ZNG1B: variants seen among roughly 807,000 people sequenced by gnomAD.
The protein encoded by ZNG1B is zinc-regulated GTPase metalloprotein activator 1B.
At chr2:113,488,142 G>A in the ZNG1B span, among the ~76,000 whole-genome samples, 1 of 152,036 alleles carries the variant, frequency 6.6e-6, no homozygotes, top group Admixed American at 6.6e-5. Flanking sequence ...ACTGGAACAG[G>A]TGCTGGTATC....
At chr2:113,461,073 T>G in the ZNG1B span, among the ~76,000 whole-genome samples, 1 of 148,490 alleles carries the variant, frequency 6.7e-6, no homozygotes, top group East Asian at 2.0e-4. Flanking sequence ...TTATTATTAT[T>G]TTTTGAGACA....
the ZNG1B span, among the ~76,000 whole-genome samples, chr2:113,468,367 C>T: frequency 2.6e-5 from 4 of 151,214 alleles, no homozygotes; most frequent in Non-Finnish European, 4.4e-5. Context: ...TGCAATTCCA[C>T]CCCCACCTTG....
chr2:113,476,280 A>G, the ZNG1B span, among the ~76,000 whole-genome samples: 1 of 151,992 alleles, frequency 6.6e-6, no homozygotes, highest in Non-Finnish European at 1.5e-5. Context: ...AGTTGATCGC[A>G]TCGGCTCCTG....
At chr2:113,485,159 G>C in the ZNG1B span, among the ~76,000 whole-genome samples, 34 of 145,474 alleles carry the variant, frequency 2.3e-4, no homozygotes, top group African/African-American at 8.4e-4. Context: ...CCTTGAACTG[G>C]TAGGATTTTT....
the ZNG1B span, among the ~76,000 whole-genome samples, chr2:113,449,376 C>T: frequency 2.2e-5 from 3 of 137,314 alleles, no homozygotes; most frequent in African/African-American, 5.7e-5. Flanking sequence ...ACATAACTTC[C>T]TCACCAAGCA....
chr2:113,471,883 T>G, the ZNG1B span, among the ~76,000 whole-genome samples: 3 of 151,938 alleles, frequency 2.0e-5, no homozygotes, highest in Admixed American at 6.6e-5. Context: ...AGTCTATCAT[T>G]GTTGGACATT....
the ZNG1B span, among the ~76,000 whole-genome samples, chr2:113,473,295 G>A: frequency 7.6e-5 from 11 of 144,088 alleles, no homozygotes; most frequent in South Asian, 2.2e-4. Flanking sequence ...TTTGTCTGTT[G>A]TTGGTGTATA....
chr2:113,438,189 G>C, the ZNG1B span, among the ~76,000 whole-genome samples: 2 of 152,108 alleles, frequency 1.3e-5, no homozygotes. Context: ...CTCTCATCTT[G>C]GGAGTTAATG....
chr2:113,472,599 T>C, the ZNG1B span, among the ~76,000 whole-genome samples: 1 of 152,092 alleles, frequency 6.6e-6, no homozygotes. Flanking sequence ...GGTCTTCTTC[T>C]AGGGTTTTTA....
At chr2:113,448,378 T>G in the ZNG1B span, among the ~76,000 whole-genome samples, 2 of 151,556 alleles carry the variant, frequency 1.3e-5, no homozygotes, top group Non-Finnish European at 2.9e-5. Flanking sequence ...CATCTAGGCT[T>G]TATTATTTAT....
At chr2:113,472,133 T>C in the ZNG1B span, among the ~76,000 whole-genome samples, 2 of 149,962 alleles carry the variant, frequency 1.3e-5, no homozygotes, top group Non-Finnish European at 3.0e-5. Context: ...CTCCACATCC[T>C]CTCCAGCACC....
chr2:113,484,041 TTA>T, the ZNG1B span, among the ~76,000 whole-genome samples: 1 of 136,724 alleles, frequency 7.3e-6, no homozygotes, highest in South Asian at 2.4e-4. Context: ...GGGAGGAAAT[TTA>T]TCTTTTCCTC....
chr2:113,488,620 A>G, the ZNG1B span, among the ~76,000 whole-genome samples: 1 of 151,374 alleles, frequency 6.6e-6, no homozygotes, highest in African/African-American at 2.4e-5. Flanking sequence ...AAAAAAAGAT[A>G]CAAGAAGTAA....
chr2:113,471,746 T>C, the ZNG1B span, among the ~76,000 whole-genome samples: 8 of 151,698 alleles, frequency 5.3e-5, no homozygotes, highest in Admixed American at 1.3e-4. Context: ...GGTTTTTTGT[T>C]CTTGCGATAG....
the ZNG1B span, among the ~76,000 whole-genome samples, chr2:113,476,522 G>A: frequency 2.0e-5 from 3 of 149,318 alleles, no homozygotes; most frequent in African/African-American, 2.5e-5. Flanking sequence ...GCTTTGTTCC[G>A]TTGCTGGTGA....
chr2:113,478,287 T>C, the ZNG1B span, among the ~76,000 whole-genome samples: 1 of 149,574 alleles, frequency 6.7e-6, no homozygotes, highest in Non-Finnish European at 1.5e-5. Context: ...TTTTATTTAT[T>C]TATTTTTTTG....
the ZNG1B span, among the ~76,000 whole-genome samples, chr2:113,444,742 T>C: frequency 3.3e-5 from 5 of 152,172 alleles, no homozygotes; most frequent in Non-Finnish European, 5.9e-5. Context: ...AAAGTATTAT[T>C]ATGTATATGA....
the ZNG1B span, among the ~76,000 whole-genome samples, chr2:113,488,777 G>A: frequency 1.3e-5 from 2 of 151,968 alleles, no homozygotes; most frequent in Admixed American, 1.3e-4. Flanking sequence ...TTCAGAGCCT[G>A]AAGACAAGGT....
At chr2:113,481,177 T>A in the ZNG1B span, among the ~76,000 whole-genome samples, 1 of 139,898 alleles carries the variant, frequency 7.1e-6, no homozygotes, top group Non-Finnish European at 1.6e-5. Flanking sequence ...AAGCATATGA[T>A]TTTTCGAAAT....
Sources: gnomAD v4.1 joint callset for allele counts (sites outside exome capture counted in the v4.1 genomes callset) on GRCh38, gnomAD v4.1.1 for gene constraint, MANE v1.5 for transcripts, NCBI Gene and HGNC (gene_info 2026-07-23, HGNC 2026-07-21) for gene names.